CELF5: variants seen among roughly 807,000 people sequenced by gnomAD.
CELF5 encodes the protein CUG-BP and ETR-3 like factor 5.
Under a neutral mutation model 54.9 loss-of-function variants are expected in CELF5, and 6 were observed. The ratio of observed to expected loss-of-function variants is 0.11; its 90% confidence interval spans 0.06 to 0.22. CELF5 has a LOEUF of 0.22. CELF5 is among the 10% of genes least tolerant of loss of function. The probability of loss-of-function intolerance (pLI) is 1.00; values close to 1 mark genes in which losing one functional copy is unlikely to be tolerated. For missense variants in CELF5, 401 were observed against 678.6 expected, an observed-to-expected ratio of 0.59 and a Z score of 4.54; for synonymous variants, 271 against 290.9, an observed-to-expected ratio of 0.93 and a Z score of 0.70.
intron 1 of CELF5, among the ~76,000 whole-genome samples, chr19:3,244,358 G>C (rs2079531040): frequency 6.6e-6 from 1 of 151,952 alleles, no homozygotes; most frequent in Admixed American, 6.6e-5. Flanking sequence ...TGTGTGTAGT[G>C]TGTGGTGTGT....
intron 4 of CELF5, among the ~76,000 whole-genome samples, chr19:3,277,541 TG>T (rs201634860): frequency 0.015 from 2,013 of 137,254 alleles, 28 homozygotes; most frequent in Non-Finnish European, 0.022. Context: ...TACAATGAAG[TG>T]CTTTTTTTTT....
At chr19:3,271,308 C>T (rs2079960269) in intron 2 of CELF5, among the ~76,000 whole-genome samples, 1 of 150,970 alleles carries the variant, frequency 6.6e-6, no homozygotes, top group Non-Finnish European at 1.5e-5. Context: ...CTGGTTGAAA[C>T]CATCTCCCCT....
chr19:3,225,038 G>T (rs758423612), intron 1 of CELF5, 40 bp downstream of exon 1: 121 of 1,148,064 alleles, frequency 1.1e-4, no homozygotes, highest in Non-Finnish European at 1.3e-4. Flanking sequence ...CCCTCCCTCC[G>T]CCTCCCACCC....
chr19:3,234,391 GC>G (rs900735837), intron 1 of CELF5, among the ~76,000 whole-genome samples: 4 of 152,094 alleles, frequency 2.6e-5, no homozygotes, highest in Non-Finnish European at 4.4e-5. Flanking sequence ...GAGCCACCGC[GC>G]CCAGCCATGA....
chr19:3,256,529 TTTCA>T (rs1156768215), intron 2 of CELF5, among the ~76,000 whole-genome samples: 1 of 141,466 alleles, frequency 7.1e-6, no homozygotes, highest in East Asian at 2.1e-4. Flanking sequence ...AGGACGGAGG[TTTCA>T]TTTATTATTA....
chr19:3,267,611 G>A (rs2079901426), intron 2 of CELF5, among the ~76,000 whole-genome samples: 1 of 152,230 alleles, frequency 6.6e-6, no homozygotes, highest in Admixed American at 6.5e-5. Flanking sequence ...GGAGGGGCCA[G>A]GACCTTTGGG....
rs762908282 is a variant in CELF5, at chr19:3,273,916, C to T, written c.387C>T (p.Arg129=). ...IQVKPADSES[R]GGRDRKLFVG... is the part of the protein sequence containing the mutation. The stretch of plus-strand genomic sequence containing the variant: ...TGAAGCCTGCGGACAGTGAAAGCCG[C>T]GGAGGTAGTTGTCATCTCTCCGTGG... Residue 129 remains arginine (R), a synonymous_variant, in exon 3 of 13, where the codon CGC becomes CGT. Transcript: ENST00000292672. 18 of 1,613,516 alleles carry T rather than the reference C, an allele frequency of 1.1e-5. No individual in the cohort carries two copies. The highest frequency in any genetic ancestry group is 1.7e-5 in the Admixed American group (1 of 60,000).
chr19:3,277,212 A>G (rs2080070258), intron 4 of CELF5, among the ~76,000 whole-genome samples: 1 of 151,882 alleles, frequency 6.6e-6, no homozygotes, highest in Non-Finnish European at 1.5e-5. Context: ...GTGGTGGCTC[A>G]CGCCTGTAAT....
At chr19:3,233,098 A>AAAATAAATAAATAAATAAAT (rs149983440) in intron 1 of CELF5, among the ~76,000 whole-genome samples, 14 of 149,788 alleles carry the variant, frequency 9.3e-5, no homozygotes, top group African/African-American at 3.4e-4. Context: ...ATTAAAATTA[A>AAAATAAATAAATAAATAAAT]AAATAAATAA....
intron 2 of CELF5, among the ~76,000 whole-genome samples, chr19:3,255,936 G>A (rs181252967): frequency 6.6e-5 from 10 of 151,956 alleles, no homozygotes; most frequent in African/African-American, 2.2e-4. Flanking sequence ...GTGGTGGCAG[G>A]GGTCTGTAAT....
intron 11 of CELF5, among the ~76,000 whole-genome samples, chr19:3,292,338 C>A (rs888647635): frequency 2.6e-5 from 4 of 150,986 alleles, no homozygotes; most frequent in African/African-American, 9.7e-5. Flanking sequence ...AGTCTTGTGC[C>A]ATCAGTGCGA....
intron 10 of CELF5, 55 bp downstream of exon 10, chr19:3,286,080 C>A: frequency 1.4e-6 from 2 of 1,412,224 alleles, no homozygotes; most frequent in South Asian, 1.4e-5. Context: ...CCCGCCCTGT[C>A]CACCTGCAGG....
intron 12 of CELF5, chr19:3,295,053 C>T (rs2080413760): frequency 6.6e-6 from 1 of 152,452 alleles, no homozygotes; most frequent in East Asian, 1.9e-4. Context: ...GGTGAGGGGC[C>T]TTCCCATCCC....
intron 5 of CELF5, among the ~76,000 whole-genome samples, chr19:3,280,530 G>A (rs912042848): frequency 2.0e-5 from 3 of 152,196 alleles, no homozygotes; most frequent in South Asian, 2.1e-4. Context: ...AGCCGAGATC[G>A]CGCCATTGCA....
intron 2 of CELF5, among the ~76,000 whole-genome samples, chr19:3,264,656 T>A (rs2079856095): frequency 6.6e-6 from 1 of 151,802 alleles, no homozygotes. Flanking sequence ...GACCTGGTGA[T>A]CCACCCATCT....
intron 1 of CELF5, among the ~76,000 whole-genome samples, chr19:3,242,043 A>G (rs1050560264): frequency 2.6e-5 from 4 of 152,096 alleles, no homozygotes; most frequent in Non-Finnish European, 5.9e-5. Flanking sequence ...GCAAAATGCT[A>G]GGATTACAGG....
chr19:3,228,830 G>A lies in CELF5; in HGVS notation c.259+3832G>A, dbSNP rs1221622206. Among the ~76,000 whole-genome samples the A allele has an allele frequency of 2.6e-5, 4 of 151,944 alleles. No individual in the cohort carries two copies. Among genetic ancestry groups the A allele is most frequent in the Admixed American group, 2.6e-4 (4 of 15,272 alleles). Reference sequence around the variant, plus strand: ...AGCAGTTGGCACCCCTGGTGGTGGCGGGGACAGCGGCAGGGGGCTGGGGGT... The same window carrying A: ...AGCAGTTGGCACCCCTGGTGGTGGCAGGGACAGCGGCAGGGGGCTGGGGGT... On this transcript the variant is annotated intron_variant, in intron 1 of 12. Coordinates refer to ENST00000292672, the MANE Select transcript of CELF5 (RefSeq NM_021938.4). This position sits in a 1 kb window ranked among gnomAD's most constrained non-coding sequence, Gnocchi z 6.0.
At position 3,266,121 on chromosome 19, in the gene CELF5, A is replaced by T. The variant is rs558262743; in HGVS notation, c.343-7751A>T. ...CCACGCCCGACCCCCACTTTTAATT[A>T]CATTTAAATTAAGGGACAGATTATG... On this transcript the variant is annotated intron_variant, in intron 2 of 12. Coordinates refer to ENST00000292672, the MANE Select transcript of CELF5 (RefSeq NM_021938.4). Among the ~76,000 whole-genome samples the T allele has an allele frequency of 2.0e-5, 3 of 152,134 alleles. No homozygotes were observed. The South Asian group carries it at 6.2e-4, about 31-fold the overall frequency.
Position 3,290,173 on chromosome 19 carries a change from C to CG in CELF5, c.1187-51dup, listed in dbSNP as rs571819958. 99 of 1,487,992 alleles carry CG rather than the reference C, an allele frequency of 6.7e-5. No homozygotes were observed. The East Asian group carries it at 1.3e-3, about 20-fold the overall frequency. The allele number at this position is 1,487,992 out of a possible 1,614,324, so 92.2% of individuals were successfully genotyped here. A position where few individuals can be genotyped will look rare whatever the true frequency, so the allele number is the denominator to read the frequency against. The stretch of plus-strand genomic sequence containing the variant: ...GGGCTCCAGACCTGTGCCCCTCCCC[C>CG]GGGGGGGTTCGCCTCCTCTCCTTGG... On this transcript the variant is annotated intron_variant, in intron 10 of 12. Coordinates refer to ENST00000292672, the MANE Select transcript of CELF5 (RefSeq NM_021938.4).
Sources: allele counts gnomAD v4.1 joint callset (sites outside exome capture counted in the v4.1 genomes callset), GRCh38; gene constraint gnomAD v4.1.1; non-coding constraint Gnocchi (gnomAD v3.1); transcripts MANE v1.5; gene names NCBI Gene and HGNC (gene_info 2026-07-23, HGNC 2026-07-21).